The following C1orf105 variants were observed in gnomAD, a reference collection of about 807,000 sequenced individuals.
The protein encoded by C1orf105 is chromosome 1 open reading frame 105, also known as uncharacterized protein C1orf105.
In C1orf105, 17 loss-of-function variants were observed where a neutral mutation model predicts 20.8. The ratio of observed to expected loss-of-function variants is 0.82; its 90% CI spans 0.56 to 1.23. C1orf105 has a LOEUF of 1.23. C1orf105 is among the 50% of genes most tolerant of loss of function. C1orf105 has a pLI of 0.00. For missense variants in C1orf105, 219 were observed against 213.5 expected (o/e 1.03, Z -0.16); for synonymous variants, 72 against 72.1 (o/e 1.00, Z 0.01).
At chr1:172,448,607 T>A in intron 3 of C1orf105, 76 bp downstream of exon 3, 1 of 830,646 alleles carries the variant, frequency 1.2e-6, no homozygotes, top group South Asian at 1.4e-5. Flanking sequence ...ATGTCCCATC[T>A]CCTTAGCACA....
intron 1 of C1orf105, chr1:172,442,193 C>T (rs747943577): frequency 1.2e-6 from 2 of 1,613,964 alleles, no homozygotes; most frequent in East Asian, 4.5e-5. Context: ...TCAGTGCTGA[C>T]AGACTCTGTA....
intron 1 of C1orf105, among the ~76,000 whole-genome samples, chr1:172,422,494 T>C (rs1025399165): frequency 3.2e-4 from 49 of 152,058 alleles, no homozygotes; most frequent in Admixed American, 3.2e-3. Flanking sequence ...AAGTACTACA[T>C]ACCGTGGGCC....
At chr1:172,458,521 G>T (rs1317208471) in intron 4 of C1orf105, among the ~76,000 whole-genome samples, 1 of 152,084 alleles carries the variant, frequency 6.6e-6, no homozygotes, top group African/African-American at 2.4e-5. Flanking sequence ...ACAATGAAAA[G>T]TATAAAACAT....
intron 1 of C1orf105, among the ~76,000 whole-genome samples, chr1:172,432,569 A>T (rs1483812417): frequency 6.6e-6 from 1 of 152,212 alleles, no homozygotes; most frequent in African/African-American, 2.4e-5. Flanking sequence ...AATAGCATTA[A>T]CATCAACAAA....
chr1:172,442,450 A>G (rs1477959481), intron 1 of C1orf105: 2 of 1,614,184 alleles, frequency 1.2e-6, no homozygotes, highest in East Asian at 2.2e-5. Flanking sequence ...CTGCTGGATC[A>G]CCACACTGGA....
At chr1:172,466,066 AG>A (rs1350535688) in intron 6 of C1orf105, among the ~76,000 whole-genome samples, 1 of 152,230 alleles carries the variant, frequency 6.6e-6, no homozygotes, top group African/African-American at 2.4e-5. Context: ...TGATACATAC[AG>A]TAAAGAAAAT....
chr1:172,425,817 G>T lies in C1orf105; in HGVS notation c.21+4911G>T, dbSNP rs76127951. On this transcript the variant is annotated intron_variant, in intron 1 of 6. Transcript: ENST00000367727. ...AATATGCTCATGAGGATGTGAAAAG[G>T]CCTACATTCTGAGAACACATCTCCT... 4.1e-3 allele frequency among the ~76,000 whole-genome samples: 622 copies of T among 152,190 alleles called. 4 individuals carry two copies. Among genetic ancestry groups the T allele is most frequent in the African/African-American group, 0.014 (598 of 41,508 alleles).
chr1:172,457,430 T>C (rs763130), intron 4 of C1orf105, among the ~76,000 whole-genome samples: 1,830 of 152,290 alleles, frequency 0.012, 41 homozygotes, highest in African/African-American at 0.041. Context: ...AAGTCTTAGG[T>C]CCAGTCGGAT....
chr1:172,461,221 G>A (rs1041240312), intron 4 of C1orf105, among the ~76,000 whole-genome samples: 1 of 152,200 alleles, frequency 6.6e-6, no homozygotes, highest in East Asian at 1.9e-4. Context: ...TGAGTTAGGA[G>A]AACAAGCTGA....
chr1:172,453,037 C>T (rs1270867708), intron 3 of C1orf105: 1 of 1,550,432 alleles, frequency 6.4e-7, no homozygotes, highest in Non-Finnish European at 8.7e-7. Context: ...GGAAATGAGG[C>T]CTGCAGGACA....
At chr1:172,431,652 C>A (rs556430765) in intron 1 of C1orf105, among the ~76,000 whole-genome samples, 1 of 152,362 alleles carries the variant, frequency 6.6e-6, no homozygotes, top group Non-Finnish European at 1.5e-5. Context: ...CAGCTCCAGT[C>A]TGCAGCTCCC....
intron 1 of C1orf105, among the ~76,000 whole-genome samples, chr1:172,435,399 G>A (rs941645797): frequency 1.3e-5 from 2 of 152,062 alleles, no homozygotes; most frequent in East Asian, 3.9e-4. Context: ...TATCCACCAC[G>A]ATCAAGTTGG....
At position 172,448,543 on chromosome 1, in the gene C1orf105, T is replaced by A. The variant is rs1382678766; in HGVS notation, c.198+12T>A. ...ATGTTTTATCTAAGGTACTAAAAAA[T>A]TTTTGTTGAAATGAAACCAACAGCA... is the stretch of plus-strand genomic sequence containing the variant. On this transcript the variant is annotated intron_variant, in intron 3 of 6. Coordinates refer to ENST00000367727, the MANE Select transcript of C1orf105 (RefSeq NM_139240.4). 2.6e-6 allele frequency: 4 copies of A among 1,553,600 alleles called. No homozygotes were observed. The highest frequency in any genetic ancestry group is 2.2e-5 in the South Asian group (2 of 89,378).
rs1650227556 is a variant in C1orf105 at position 172,468,537 on chromosome 1, G to C, written c.495G>C (p.Glu165Asp). ...LLTEAYKTLKERQRSSLPRKE... is the reference protein window; with the variant it reads ...LLTEAYKTLKDRQRSSLPRKE... ...CAGAGGCCTACAAAACTCTAAAAGA[G>C]AGACAACGTTCTTCCTTGCCCAGAA... is the stretch of plus-strand genomic sequence containing the variant. Residue 165 changes from glutamate (E) to aspartate (D), a missense_variant, in exon 7 of 7, where the codon GAG (glutamate) becomes GAC (aspartate). Transcript: ENST00000367727. 1.9e-6 allele frequency: 3 copies of C among 1,613,906 alleles called. No homozygotes were observed. Among genetic ancestry groups the C allele is most frequent in the East Asian group, 2.2e-5 (1 of 44,884 alleles).
At chr1:172,462,029 G>C in intron 4 of C1orf105, 149 bp from the exon 5 acceptor site, 1 of 626,788 alleles carries the variant, frequency 1.6e-6, no homozygotes. Context: ...CTTGAGGGAA[G>C]GGTGAAACCC....
rs1553261964 is a variant in C1orf105 at position 172,456,507 on chromosome 1, C to T, written c.273+18C>T. Reference sequence around the variant, plus strand: ...TGAAAATGGTAGGCAAGGGGGAAGACAGAAATGGGCACAGGCATCTCAGGG... The same window carrying T: ...TGAAAATGGTAGGCAAGGGGGAAGATAGAAATGGGCACAGGCATCTCAGGG... On this transcript the variant is annotated intron_variant, in intron 4 of 6. Transcript: ENST00000367727. The T allele has an allele frequency of 5.6e-6, 9 of 1,608,434 alleles. No individual in the cohort carries two copies. Among genetic ancestry groups the T allele is most frequent in the Non-Finnish European group, 7.6e-6 (9 of 1,176,784 alleles).
chr1:172,465,373 CT>C lies in C1orf105; in HGVS notation c.406+14del. Reference sequence around the variant, plus strand: ...GATGACATCCCAACAGGTTTGCTTTCTTTTAGAGTACTTATAGTGTGAAACA... The same window carrying C: ...GATGACATCCCAACAGGTTTGCTTTCTTTAGAGTACTTATAGTGTGAAACA... On this transcript the variant is annotated intron_variant, in intron 6 of 6. Coordinates refer to ENST00000367727, the MANE Select transcript of C1orf105 (RefSeq NM_139240.4). The C allele has an allele frequency of 6.3e-7, 1 of 1,588,778 alleles. No individual in the cohort carries two copies. Among genetic ancestry groups the C allele is most frequent in the African/African-American group, 1.3e-5 (1 of 74,464 alleles).
intron 6 of C1orf105, 118 bp downstream of exon 6, chr1:172,465,481 C>G (rs1404835933): frequency 2.5e-6 from 2 of 813,446 alleles, no homozygotes; most frequent in Non-Finnish European, 4.2e-6. Context: ...CACTTTCTAT[C>G]CCTTTCTCTT....
At chr1:172,432,872 A>C (rs2071914805) in intron 1 of C1orf105, among the ~76,000 whole-genome samples, 1 of 152,248 alleles carries the variant, frequency 6.6e-6, no homozygotes, top group Admixed American at 6.5e-5. Flanking sequence ...AACCTTGAAA[A>C]AAGGACAGAT....
Sources: allele counts gnomAD v4.1 joint callset (sites outside exome capture counted in the v4.1 genomes callset), GRCh38; gene constraint gnomAD v4.1.1; transcripts MANE v1.5; gene names NCBI Gene and HGNC (gene_info 2026-07-23, HGNC 2026-07-21).